The following SAMD11 variants were observed in gnomAD, a reference collection of about 807,000 sequenced individuals.
The protein encoded by SAMD11 is sterile alpha motif domain containing 11, also known as sterile alpha motif domain-containing protein 11.
SAMD11 carries 77 observed loss-of-function variants against 64.4 expected under a neutral mutation model. The observed-to-expected ratio is 1.20, with a 90% CI of 0.99 to 1.44. The LOEUF (loss-of-function observed/expected upper bound fraction) is 1.44. Among genes scored for constraint, SAMD11 ranks in the 40% most tolerant of loss-of-function variants. The pLI, the probability that SAMD11 is intolerant of heterozygous loss-of-function variation, is 0.00. For synonymous variants in SAMD11, 658 were observed against 421.9 expected (o/e 1.56, Z -6.86); for missense variants, 1,402 against 943.3 (o/e 1.49, Z -6.37).
intron 1 of SAMD11, 173 bp downstream of exon 1, chr1:925,121 C>G (rs932598470): frequency 6.6e-6 from 1 of 152,336 alleles, no homozygotes; most frequent in African/African-American, 2.4e-5. Flanking sequence ...CAGATCGCCC[C>G]CCGCTGCACC....
In SAMD11 at chr1:938,769, G is replaced by A. The variant is rs192250163; in HGVS notation, c.968-271G>A. Among the ~76,000 whole-genome samples the A allele has an allele frequency of 2.4e-3, 363 of 152,328 alleles. 1 individual carries two copies. Among genetic ancestry groups the A allele is most frequent in the Non-Finnish European group, 3.6e-3 (242 of 68,016 alleles). On this transcript the variant is annotated intron_variant, in intron 5 of 13. Coordinates refer to ENST00000616016, the MANE Select transcript of SAMD11 (RefSeq NM_001385641.1). ...AACTTGCACAAGAGGCTAGATGGCG[G>A]GTGGGGCAGCTGGGTGCCTGCTGTG... is the stretch of plus-strand genomic sequence containing the variant.
At position 942,617 on chromosome 1, in the gene SAMD11, C is replaced by G; in HGVS notation, c.1612C>G (p.Leu538Val). ...QKELESARPQ[L>V]LAPETALRPN... ...GGAGCTGGAGAGCGCGCGCCCACAG[C>G]TGCTGGCGCCCGAGACCGCCCTGCG... is the stretch of plus-strand genomic sequence containing the variant. Residue 538 changes from leucine to valine, a missense_variant, in exon 11 of 14, where the codon CTG becomes GTG. Leu to Val is a conservative substitution (Grantham distance 32). Transcript: ENST00000616016. 1.4e-6 allele frequency: 2 copies of G among 1,438,774 alleles called. No homozygotes were observed. Among genetic ancestry groups the G allele is most frequent in the South Asian group, 1.4e-5 (1 of 72,792 alleles). The allele number at this position is 1,438,774 out of a possible 1,614,324, so 89.1% of individuals were successfully genotyped here. A position where few individuals can be genotyped will look rare whatever the true frequency, so the allele number is the denominator to read the frequency against.
rs749497153 is a variant in SAMD11, at chr1:943,685, C to G, written c.2179-13C>G. Reference sequence around the variant, plus strand: ...GCACCCGGGTCCTGACCCTCCCTCCCTCCCCCTTCCAGGTCTTCAGGGAGC... The same window carrying G: ...GCACCCGGGTCCTGACCCTCCCTCCGTCCCCCTTCCAGGTCTTCAGGGAGC... On this transcript the variant is annotated splice_polypyrimidine_tract_variant and intron_variant, in intron 12 of 13. Transcript: ENST00000616016. 33 of 1,550,428 alleles carry G rather than the reference C, an allele frequency of 2.1e-5. No homozygotes were observed. The highest frequency in any genetic ancestry group is 2.4e-4 in the Middle Eastern group (1 of 4,248).
intron 8 of SAMD11, among the ~76,000 whole-genome samples, chr1:941,922 G>A (rs1346115699): frequency 2.0e-5 from 3 of 152,128 alleles, no homozygotes; most frequent in South Asian, 2.1e-4. Context: ...CGCTGCAGCC[G>A]TCGCCGCCCG....
Position 942,791 on chromosome 1 carries a change from C to A in SAMD11, c.1786C>A (p.Arg596=). Residue 596 remains arginine, a synonymous_variant, in exon 11 of 14, where the codon CGG becomes AGG. Transcript: ENST00000616016. ...CCGGGACTCTGCCCGGCGAGCCCCC[C>A]GGAAGGGGGGTCCCGGCCCTGCCTC... ...PSRDSARRAP[R]KGGPGPASAR... The A allele has an allele frequency of 1.3e-6, 2 of 1,541,942 alleles. No individual in the cohort carries two copies. Among genetic ancestry groups the A allele is most frequent in the East Asian group, 2.5e-5 (1 of 40,026 alleles).
At chr1:925,897 G>A (rs755042307) in intron 1 of SAMD11, 25 bp from the exon 2 acceptor site, 7 of 1,556,698 alleles carry the variant, frequency 4.5e-6, no homozygotes, top group Non-Finnish European at 6.2e-6. Context: ...CTCCCTCACA[G>A]GGTCTGCCTC....
chr1:943,094 C>T lies in SAMD11; in HGVS notation c.2053+36C>T, dbSNP rs183873661. 422 of 1,553,626 alleles carry T rather than the reference C, an allele frequency of 2.7e-4. 2 individuals carry two copies. The African/African-American group carries it at 5.3e-3, about 20-fold the overall frequency. ...CCACACTCTAGATCCTTCCAGAGGG[C>T]ACAGGACTGGCAGGCCGCCTGTGGA... On this transcript the variant is annotated intron_variant, in intron 11 of 13. Transcript: ENST00000616016.
At chr1:937,184 C>T (rs180978683) in intron 5 of SAMD11, among the ~76,000 whole-genome samples, 64 of 152,274 alleles carry the variant, frequency 4.2e-4, no homozygotes, top group Admixed American at 1.6e-3. Flanking sequence ...GCGTTCACCT[C>T]TTCTCCCTTC....
At chr1:937,501 A>G (rs1641521443) in intron 5 of SAMD11, among the ~76,000 whole-genome samples, 1 of 148,512 alleles carries the variant, frequency 6.7e-6, no homozygotes, top group African/African-American at 2.5e-5. Flanking sequence ...AGTGATTGCC[A>G]GGAGGTGAGA....
chr1:942,823 G>A lies in SAMD11; in HGVS notation c.1818G>A (p.Arg606=). The change falls in exon 11 of 14, where the codon CGG becomes CGA. Residue 606 remains arginine (R), a synonymous_variant. Transcript: ENST00000616016. ...GGGGTCCCGGCCCTGCCTCAGCGCG[G>A]CCCAGCGAGTCCAAGGAGATGACGG... ...RKGGPGPASA[R]PSESKEMTGA... 1 of 1,548,986 alleles carries A rather than the reference G, an allele frequency of 6.5e-7. No individual in the cohort carries two copies. Among genetic ancestry groups the A allele is most frequent in the African/African-American group, 1.4e-5 (1 of 72,934 alleles).
chr1:929,306 C>T (rs756170841), intron 2 of SAMD11, among the ~76,000 whole-genome samples: 16 of 152,182 alleles, frequency 1.1e-4, no homozygotes, highest in Non-Finnish European at 2.4e-4. Flanking sequence ...TCCACACGCT[C>T]GTTCCGTGGG....
intron 2 of SAMD11, among the ~76,000 whole-genome samples, chr1:927,171 G>A (rs1265206396): frequency 6.6e-6 from 1 of 152,194 alleles, no homozygotes; most frequent in Non-Finnish European, 1.5e-5. Context: ...AGAGTTCCCA[G>A]GCAGGTGTGC....
Position 944,394 on chromosome 1 carries a change from G to A in SAMD11, c.*241G>A, listed in dbSNP as rs924278409. Reference sequence around the variant, plus strand: ...GCAGAGGTGGTGGAAGGGGCCAGGGGCCTGCAGGCCTCCCCCTGGAACTGG... The same window carrying A: ...GCAGAGGTGGTGGAAGGGGCCAGGGACCTGCAGGCCTCCCCCTGGAACTGG... On this transcript the variant is annotated 3_prime_UTR_variant, in exon 14 of 14. Transcript: ENST00000616016. 2 of 1,259,874 alleles carry A rather than the reference G, an allele frequency of 1.6e-6. No individual in the cohort carries two copies. The highest frequency in any genetic ancestry group is 2.9e-5 in the East Asian group (1 of 34,156). The allele number at this position is 1,259,874 out of a possible 1,614,324, so 78.0% of individuals were successfully genotyped here.
intron 7 of SAMD11, among the ~76,000 whole-genome samples, chr1:939,719 C>G (rs1641646899): frequency 6.6e-6 from 1 of 152,158 alleles, no homozygotes; most frequent in Non-Finnish European, 1.5e-5. Context: ...GTGGGCATGT[C>G]AGCAGCACCC....
rs981004391 is a variant in SAMD11 at position 924,773 on chromosome 1, G to C, written c.342G>C (p.Pro114=). The C allele has an allele frequency of 6.6e-6, 1 of 152,172 alleles. No homozygotes were observed. Among genetic ancestry groups the C allele is most frequent in the Admixed American group, 6.5e-5 (1 of 15,286 alleles). 9.4% of individuals were successfully genotyped at this position (152,172 alleles called of 1,614,324 possible). Residue 114 remains proline (P), a synonymous_variant, in exon 1 of 14, where the codon CCG becomes CCC. Transcript: ENST00000616016. ...DFQPLLDNGE[P]CIEVECGANR... is the part of the protein sequence containing the mutation. ...AGCCGCTGCTGGACAACGGCGAGCC[G>C]TGCATCGAGGTGGAGTGCGGCGCCA...
In SAMD11 at chr1:943,314, G is replaced by A. The variant is rs780287958; in HGVS notation, c.2115G>A (p.Lys705=). 3 of 1,611,636 alleles carry A rather than the reference G, an allele frequency of 1.9e-6. No homozygotes were observed. The highest frequency in any genetic ancestry group is 1.1e-5 in the South Asian group (1 of 91,004). The change falls in exon 12 of 14, where the codon AAG becomes AAA. Residue 705 remains lysine (K), a synonymous_variant. Transcript: ENST00000616016. The stretch of plus-strand genomic sequence containing the variant: ...CCCCAGCCCCTGAGGACGTCACCAA[G>A]TGGACCGTGGATGACGTCTGCAGCT... The part of the protein sequence containing the change: ...EEAPAPEDVT[K]WTVDDVCSFV...
At position 944,123 on chromosome 1, in the gene SAMD11, G is replaced by A. The variant is rs1187182572; in HGVS notation, c.2505G>A (p.Gly835=). The A allele has an allele frequency of 3.1e-6, 5 of 1,597,392 alleles. No homozygotes were observed. The South Asian group carries it at 3.4e-5, about 11-fold the overall frequency. The change falls in exon 14 of 14, where the codon GGG becomes GGA. Residue 835 remains glycine (G), a synonymous_variant. Coordinates refer to ENST00000616016, the MANE Select transcript of SAMD11 (RefSeq NM_001385641.1). ...QENGTLALLP[G]APDPSQPLC ...ATGGGACCTTGGCTCTACTTCCAGG[G>A]GCCCCCGACCCTTCCCAGCCTCTGT... is the stretch of plus-strand genomic sequence containing the variant.
rs533890256 is a variant in SAMD11 at position 924,704 on chromosome 1, C to T, written c.273C>T (p.Ala91=). 1.5e-3 allele frequency: 236 copies of T among 152,264 alleles called. 1 individual carries two copies. Among genetic ancestry groups the T allele is most frequent in the African/African-American group, 5.5e-3 (228 of 41,530 alleles). The allele number at this position is 152,264 out of a possible 1,614,324, so 9.4% of individuals were successfully genotyped here. A position where few individuals can be genotyped will look rare whatever the true frequency, so the allele number is the denominator to read the frequency against. ...TCCACCTGCCCAGGGACCCGCTGGC[C>T]CTCGAGCGCTTCTCGGCCACCGCGG... ...PHLHLPRDPL[A]LERFSATAAA... Residue 91 remains alanine (A), a synonymous_variant, in exon 1 of 14, where the codon GCC becomes GCT. Transcript: ENST00000616016.
chr1:939,010 T>A (rs775917138), intron 5 of SAMD11, 30 bp from the exon 6 acceptor site: 13 of 1,560,094 alleles, frequency 8.3e-6, no homozygotes, highest in Non-Finnish European at 1.1e-5. Flanking sequence ...TTCCTTGAGA[T>A]GCAGGTGGGC....
Sources: allele counts gnomAD v4.1 joint callset (sites outside exome capture counted in the v4.1 genomes callset), GRCh38; gene constraint gnomAD v4.1.1; transcripts MANE v1.5; gene names NCBI Gene and HGNC (gene_info 2026-07-23, HGNC 2026-07-21).